The following ANO2 variants were observed in gnomAD, a reference collection of about 807,000 sequenced individuals.
ANO2 encodes anoctamin 2.
In ANO2, 101 loss-of-function variants were observed where a neutral mutation model predicts 124.2. That is an observed-to-expected ratio of 0.81 (90% CI 0.69 to 0.96). The LOEUF is 0.96. Ranked by LOEUF, ANO2 falls within the 40% of genes least tolerant of loss-of-function variation. The pLI, the probability that ANO2 is intolerant of heterozygous loss-of-function variation, is 0.00. For missense variants in ANO2, 1,293 were observed against 1,274.5 expected (o/e 1.01, Z -0.22); for synonymous variants, 486 against 482.5 (o/e 1.01, Z -0.09).
intron 16 of ANO2, among the ~76,000 whole-genome samples, chr12:5,628,918 T>C (rs534377833): frequency 2.0e-5 from 3 of 152,112 alleles, no homozygotes; most frequent in Non-Finnish European, 4.4e-5. Context: ...TGCAAACCAG[T>C]GTTGGTATGA....
chr12:5,931,398 G>A (rs1242079253), intron 1 of ANO2, among the ~76,000 whole-genome samples: 2 of 152,020 alleles, frequency 1.3e-5, no homozygotes, highest in Non-Finnish European at 2.9e-5. Flanking sequence ...AACTTCCCAC[G>A]TATTGTATAA....
chr12:5,729,686 G>A (rs531483640), intron 14 of ANO2, among the ~76,000 whole-genome samples: 82 of 121,326 alleles, frequency 6.8e-4, no homozygotes, highest in African/African-American at 2.7e-3. Context: ...GAAAGCATAC[G>A]GCAAAAAAAA....
At chr12:5,748,785 T>A (rs1057053411) in intron 11 of ANO2, among the ~76,000 whole-genome samples, 28 of 147,728 alleles carry the variant, frequency 1.9e-4, no homozygotes, top group African/African-American at 5.8e-4. Flanking sequence ...TCTCCTGTGA[T>A]AAAGGACCCA....
rs75285688 is a variant in ANO2, at chr12:5,675,609, T to A, written c.1546-27808A>T. On this transcript the variant is annotated intron_variant, in intron 14 of 24. Coordinates refer to ENST00000682330, the MANE Select transcript of ANO2 (RefSeq NM_001364791.2). Reference sequence around the variant, plus strand: ...TGAGGAGCCACACTTGTCCTTGGCCTCGTAACCCATTCCCTTGCCTTGCTG... The same window carrying A: ...TGAGGAGCCACACTTGTCCTTGGCCACGTAACCCATTCCCTTGCCTTGCTG... Among the ~76,000 whole-genome samples, 680 of 152,342 alleles carry A rather than the reference T, an allele frequency of 4.5e-3. 3 individuals carry two copies. Among genetic ancestry groups the A allele is most frequent in the Middle Eastern group, 0.031 (9 of 294 alleles).
At chr12:5,649,692 C>T (rs1281707488) in intron 14 of ANO2, among the ~76,000 whole-genome samples, 2 of 152,164 alleles carry the variant, frequency 1.3e-5, no homozygotes, top group Non-Finnish European at 2.9e-5. Flanking sequence ...GCAACCTCCA[C>T]CTCCCAGGTT....
chr12:5,809,429 T>C (rs942942470), intron 7 of ANO2, among the ~76,000 whole-genome samples: 2 of 152,138 alleles, frequency 1.3e-5, no homozygotes, highest in Non-Finnish European at 2.9e-5. Flanking sequence ...ACCCAATCCA[T>C]ACAGTCACAC....
intron 10 of ANO2, among the ~76,000 whole-genome samples, chr12:5,764,351 G>T (rs1662425723): frequency 6.6e-6 from 1 of 152,214 alleles, no homozygotes; most frequent in Non-Finnish European, 1.5e-5. Flanking sequence ...GCCAAGCTGT[G>T]TTCTAAGGAA....
At chr12:5,751,597 G>C (rs1220349215) in intron 10 of ANO2, among the ~76,000 whole-genome samples, 1 of 152,152 alleles carries the variant, frequency 6.6e-6, no homozygotes, top group Non-Finnish European at 1.5e-5. Flanking sequence ...TATACAACTT[G>C]ATGAGTTTGC....
chr12:5,829,817 A>G (rs1178923006), intron 6 of ANO2, among the ~76,000 whole-genome samples: 2 of 152,218 alleles, frequency 1.3e-5, no homozygotes, highest in African/African-American at 4.8e-5. Flanking sequence ...CAATCATCCT[A>G]CAAAATTCAA....
intron 7 of ANO2, among the ~76,000 whole-genome samples, chr12:5,817,049 A>T (rs2137192434): frequency 6.6e-6 from 1 of 152,356 alleles, no homozygotes. Context: ...ACTTTGAGAC[A>T]TCACCAAAAA....
Position 5,851,175 on chromosome 12 carries a change from T to C in ANO2, c.633+2868A>G, listed in dbSNP as rs1312263754. On this transcript the variant is annotated intron_variant, in intron 4 of 24. Coordinates refer to ENST00000682330, the MANE Select transcript of ANO2 (RefSeq NM_001364791.2). ...TCGCCAACTCATCTACAAGTTCAAA[T>C]GCAGGTACCACCTAAAAACTACAGA... 3.9e-5 allele frequency among the ~76,000 whole-genome samples: 6 copies of C among 152,290 alleles called. No homozygotes were observed. In the East Asian group the frequency reaches 1.2e-3, roughly 29 times the overall value.
chr12:5,909,339 G>T (rs1325368437), intron 3 of ANO2, among the ~76,000 whole-genome samples: 29 of 152,136 alleles, frequency 1.9e-4, no homozygotes, highest in Admixed American at 1.9e-3. Flanking sequence ...TGTAAATTGA[G>T]AAAACTATCT....
intron 20 of ANO2, chr12:5,584,138 C>CCT (rs1555088581): frequency 1.8e-5 from 3 of 164,992 alleles, no homozygotes; most frequent in Non-Finnish European, 3.9e-5. Context: ...AACACCCCCC[C>CCT]CCCGCCGCAA....
intron 3 of ANO2, among the ~76,000 whole-genome samples, chr12:5,893,012 G>A (rs1200121770): frequency 6.6e-6 from 1 of 152,106 alleles, no homozygotes; most frequent in African/African-American, 2.4e-5. Context: ...CTTCTAAGAT[G>A]GTAAGGCTTC....
At chr12:5,613,690 G>A (rs951356592) in intron 17 of ANO2, among the ~76,000 whole-genome samples, 3 of 152,078 alleles carry the variant, frequency 2.0e-5, no homozygotes, top group Non-Finnish European at 2.9e-5. Context: ...TGTTGTCTCC[G>A]TTCATAACTG....
intron 4 of ANO2, among the ~76,000 whole-genome samples, chr12:5,843,922 A>AG (rs1279057508): frequency 6.6e-6 from 1 of 152,210 alleles, no homozygotes; most frequent in African/African-American, 2.4e-5. Flanking sequence ...ACTTGCTCTC[A>AG]GGGGGCTTAT....
At chr12:5,864,528 G>C (rs192178133) in intron 3 of ANO2, among the ~76,000 whole-genome samples, 5 of 152,334 alleles carry the variant, frequency 3.3e-5, no homozygotes, top group African/African-American at 9.6e-5. Flanking sequence ...AGTGGAATCA[G>C]ATGCTGTGGA....
rs1162670995 is a variant in ANO2, at chr12:5,923,174, G to GCA, written c.23-372_23-371dup. Among the ~76,000 whole-genome samples the GCA allele has an allele frequency of 8.0e-3, 71 of 8,896 alleles. 10 individuals carry two copies. The highest frequency in any genetic ancestry group is 0.015 in the African/African-American group (65 of 4,340). The allele number at this position is 8,896 out of a possible 152,430, so 5.8% of individuals were successfully genotyped here. On this transcript the variant is annotated intron_variant, in intron 1 of 24. Transcript: ENST00000682330. ...CATACACACACGCATACACACACAC[G>GCA]CACACACACATACACACACACGCAC...
At chr12:5,851,008 C>T (rs918780911) in intron 4 of ANO2, among the ~76,000 whole-genome samples, 2 of 151,046 alleles carry the variant, frequency 1.3e-5, no homozygotes, top group African/African-American at 2.5e-5. Flanking sequence ...GATGGGATGA[C>T]GTCCCCAAAC....
Sources: gnomAD v4.1 joint callset for allele counts (sites outside exome capture counted in the v4.1 genomes callset) on GRCh38, gnomAD v4.1.1 for gene constraint, MANE v1.5 for transcripts, NCBI Gene and HGNC (gene_info 2026-07-23, HGNC 2026-07-21) for gene names.